ICA1: variants seen among roughly 807,000 people sequenced by gnomAD.
The protein encoded by ICA1 is islet cell autoantigen 1.
Under a neutral mutation model 71.0 loss-of-function variants are expected in ICA1, and 40 were observed. The observed-to-expected ratio is 0.56, with a 90% CI of 0.44 to 0.73. The LOEUF (loss-of-function observed/expected upper bound fraction) is 0.73, where lower values mean the gene tolerates loss of function less well. Ranked by LOEUF, ICA1 falls within the 30% of genes least tolerant of loss-of-function variation. The probability of loss-of-function intolerance (pLI) is 0.00; values close to 1 mark genes in which losing one functional copy is unlikely to be tolerated. For missense variants in ICA1, 578 were observed against 576.5 expected, an observed-to-expected ratio of 1.00 and a Z score of -0.03; for synonymous variants, 207 against 209.5, an observed-to-expected ratio of 0.99 and a Z score of 0.10.
chr7:8,199,434 G>A (rs1788780291), intron 6 of ICA1, among the ~76,000 whole-genome samples: 1 of 152,208 alleles, frequency 6.6e-6, no homozygotes, highest in Non-Finnish European at 1.5e-5. Flanking sequence ...TTCCTGGCCA[G>A]GCATGGTGGC....
At chr7:8,257,284 T>G (rs1160313062) in intron 1 of ICA1, among the ~76,000 whole-genome samples, 3 of 152,246 alleles carry the variant, frequency 2.0e-5, no homozygotes, top group African/African-American at 7.2e-5. Context: ...CTTAGAATGC[T>G]CTACCCTGGA....
intron 12 of ICA1, among the ~76,000 whole-genome samples, chr7:8,138,260 A>C (rs976273734): frequency 1.3e-5 from 2 of 152,168 alleles, no homozygotes; most frequent in African/African-American, 2.4e-5. Context: ...TAACTAAGCA[A>C]ACTCTCCCTC....
At chr7:8,170,830 T>C (rs1808062158) in intron 6 of ICA1, among the ~76,000 whole-genome samples, 2 of 151,982 alleles carry the variant, frequency 1.3e-5, no homozygotes, top group South Asian at 2.1e-4. Context: ...TTTCTTGCCT[T>C]ATTATATTGG....
chr7:8,191,545 T>C (rs2128299236), intron 6 of ICA1, among the ~76,000 whole-genome samples: 1 of 152,296 alleles, frequency 6.6e-6, no homozygotes, highest in East Asian at 1.9e-4. Flanking sequence ...TCTGAAAACA[T>C]TTAAGGTAGC....
intron 12 of ICA1, among the ~76,000 whole-genome samples, chr7:8,129,221 A>T (rs1158115400): frequency 2.0e-5 from 3 of 152,170 alleles, no homozygotes; most frequent in Non-Finnish European, 4.4e-5. Context: ...TGGAAACTAT[A>T]AACATTTTTG....
intron 6 of ICA1, among the ~76,000 whole-genome samples, chr7:8,175,474 T>A (rs2128242759): frequency 6.6e-6 from 1 of 152,310 alleles, no homozygotes; most frequent in East Asian, 1.9e-4. Context: ...AATTGAATCA[T>A]CCAGATAATA....
intron 6 of ICA1, among the ~76,000 whole-genome samples, chr7:8,167,037 TAGTC>T (rs984276969): frequency 2.6e-4 from 40 of 152,264 alleles, no homozygotes; most frequent in African/African-American, 8.7e-4. Flanking sequence ...GAATGTAAAT[TAGTC>T]AGCCTTTGGG....
intron 6 of ICA1, among the ~76,000 whole-genome samples, chr7:8,180,316 C>A (rs1781822888): frequency 6.6e-6 from 1 of 152,132 alleles, no homozygotes; most frequent in Non-Finnish European, 1.5e-5. Context: ...TTCAACATCA[C>A]ACCCATGACA....
intron 6 of ICA1, among the ~76,000 whole-genome samples, chr7:8,196,481 AACCC>A (rs1317933901): frequency 6.6e-6 from 1 of 152,190 alleles, no homozygotes; most frequent in Non-Finnish European, 1.5e-5. Context: ...ACAAAGAGTG[AACCC>A]TAATGTAAAC....
chr7:8,214,631 C>T (rs1364170879), intron 6 of ICA1, among the ~76,000 whole-genome samples: 1 of 152,208 alleles, frequency 6.6e-6, no homozygotes, highest in Non-Finnish European at 1.5e-5. Flanking sequence ...TTTCCCACCT[C>T]TTTGTATTTC....
At chr7:8,249,367 A>G (rs192145955) in intron 1 of ICA1, among the ~76,000 whole-genome samples, 4 of 152,370 alleles carry the variant, frequency 2.6e-5, no homozygotes, top group African/African-American at 9.6e-5. Context: ...TGGTGTGTGT[A>G]ACTAACCGTA....
chr7:8,201,116 G>C (rs958402747), intron 6 of ICA1, among the ~76,000 whole-genome samples: 4 of 152,150 alleles, frequency 2.6e-5, no homozygotes, highest in Non-Finnish European at 5.9e-5. Context: ...TTTTCTATTT[G>C]CATGTCTATG....
chr7:8,233,328 G>C (rs1158780209), intron 2 of ICA1, among the ~76,000 whole-genome samples: 1 of 152,076 alleles, frequency 6.6e-6, no homozygotes, highest in African/African-American at 2.4e-5. Context: ...AGGTGCATAA[G>C]GTTTCAGTTA....
intron 6 of ICA1, among the ~76,000 whole-genome samples, chr7:8,181,607 C>T (rs1782211984): frequency 6.6e-6 from 1 of 152,146 alleles, no homozygotes; most frequent in Non-Finnish European, 1.5e-5. Flanking sequence ...AAATATGGTA[C>T]ATTCCTCTCT....
intron 10 of ICA1, among the ~76,000 whole-genome samples, chr7:8,139,838 A>G (rs190414227): frequency 2.0e-5 from 3 of 152,208 alleles, no homozygotes; most frequent in Non-Finnish European, 2.9e-5. Flanking sequence ...ATTCTAAACA[A>G]TAAAGTGTGT....
At chr7:8,197,589 T>C (rs1461139323) in intron 6 of ICA1, among the ~76,000 whole-genome samples, 3 of 139,154 alleles carry the variant, frequency 2.2e-5, no homozygotes, top group African/African-American at 8.0e-5. Context: ...ATAATAATAA[T>C]AATAATAATA....
chr7:8,119,298 G>A (rs930178025), intron 13 of ICA1, among the ~76,000 whole-genome samples: 5 of 152,168 alleles, frequency 3.3e-5, no homozygotes, highest in Non-Finnish European at 7.4e-5. Flanking sequence ...TGTATGCTAT[G>A]TGACACAATG....
At chr7:8,171,925 A>G (rs2128234371) in intron 6 of ICA1, among the ~76,000 whole-genome samples, 1 of 152,100 alleles carries the variant, frequency 6.6e-6, no homozygotes, top group East Asian at 1.9e-4. Context: ...ACAGATATAT[A>G]TTTGTTACTG....
intron 6 of ICA1, among the ~76,000 whole-genome samples, chr7:8,181,738 CA>C (rs1217799843): frequency 1.3e-5 from 2 of 152,058 alleles, no homozygotes; most frequent in Non-Finnish European, 2.9e-5. Flanking sequence ...AAACGTGGCT[CA>C]GAAAATAAGC....
Sources: gnomAD v4.1 joint callset for allele counts (sites outside exome capture counted in the v4.1 genomes callset) on GRCh38, gnomAD v4.1.1 for gene constraint, MANE v1.5 for transcripts, NCBI Gene and HGNC (gene_info 2026-07-23, HGNC 2026-07-21) for gene names.